Variants in CDKL4 observed in about 807,000 individuals in gnomAD.
The protein encoded by CDKL4 is cyclin-dependent kinase-like 4.
Under a neutral mutation model 42.0 loss-of-function variants are expected in CDKL4, and 44 were observed. That is an observed-to-expected ratio of 1.05 (90% CI 0.82 to 1.35). CDKL4 has a LOEUF of 1.35. Ranked by LOEUF, CDKL4 falls within the 40% of genes most tolerant of loss-of-function variation. The pLI, the probability that CDKL4 is intolerant of heterozygous loss-of-function variation, is 0.00. For missense variants in CDKL4, 393 were observed against 369.9 expected (o/e 1.06, Z -0.51); for synonymous variants, 120 against 121.6 (o/e 0.99, Z 0.09).
chr2:39,212,178 C>T (rs1007564044), intron 4 of CDKL4, among the ~76,000 whole-genome samples: 1 of 152,014 alleles, frequency 6.6e-6, no homozygotes, highest in Non-Finnish European at 1.5e-5. Context: ...ACAAGCCCTC[C>T]TTGTGATTTT....
At chr2:39,244,239 G>C (rs990898600), upstream of CDKL4, among the ~76,000 whole-genome samples, 2 of 152,248 alleles carry the variant, frequency 1.3e-5, no homozygotes, top group African/African-American at 4.8e-5. Flanking sequence ...GGCCAAGGCC[G>C]GAGCCCACTC....
At chr2:39,194,409 G>A (rs757622153) in intron 5 of CDKL4, among the ~76,000 whole-genome samples, 1 of 152,216 alleles carries the variant, frequency 6.6e-6, no homozygotes, top group Non-Finnish European at 1.5e-5. Context: ...TGGAAGTGGA[G>A]GTTGCAATGG....
At chr2:39,175,058 G>C (rs183600977), downstream of CDKL4, among the ~76,000 whole-genome samples, 14 of 151,980 alleles carry the variant, frequency 9.2e-5, no homozygotes, top group Non-Finnish European at 1.9e-4. Flanking sequence ...TTTTGTAAGA[G>C]ATATGAAATA....
At chr2:39,241,228 A>G (rs973821505) in intron 1 of CDKL4, among the ~76,000 whole-genome samples, 4 of 152,226 alleles carry the variant, frequency 2.6e-5, no homozygotes, top group Admixed American at 2.0e-4. Context: ...TCTGCAACTT[A>G]CTCTCAAATG....
chr2:39,210,127 A>G (rs957041516), intron 4 of CDKL4, among the ~76,000 whole-genome samples: 2 of 152,020 alleles, frequency 1.3e-5, no homozygotes, highest in Admixed American at 1.3e-4. Flanking sequence ...AGTAGCTGGG[A>G]TTACAGGCAT....
At chr2:39,178,603 C>T (rs1675265381) in intron 9 of CDKL4, 4 of 1,558,046 alleles carry the variant, frequency 2.6e-6, no homozygotes, top group Non-Finnish European at 3.5e-6. Flanking sequence ...ACCTGATAAA[C>T]TGCAGAATTA....
chr2:39,212,414 T>C (rs1433375902), intron 4 of CDKL4, among the ~76,000 whole-genome samples: 6 of 151,466 alleles, frequency 4.0e-5, no homozygotes, highest in East Asian at 1.9e-4. Context: ...TTTGTATTTT[T>C]AGTAGAGACA....
At chr2:39,193,367 TTATTA>T (rs1676311773) in intron 5 of CDKL4, among the ~76,000 whole-genome samples, 1 of 150,208 alleles carries the variant, frequency 6.7e-6, no homozygotes, top group South Asian at 2.1e-4. Flanking sequence ...ATTATTATTA[TTATTA>T]TTATTATTAT....
chr2:39,168,409 T>G, the CDKL4 span, among the ~76,000 whole-genome samples: 1 of 152,166 alleles, frequency 6.6e-6, no homozygotes, highest in African/African-American at 2.4e-5. Context: ...TTACCAATTC[T>G]CAGCTTAAGC....
At chr2:39,201,117 G>C (rs1676815010) in intron 5 of CDKL4, among the ~76,000 whole-genome samples, 1 of 151,534 alleles carries the variant, frequency 6.6e-6, no homozygotes. Context: ...AAATCAGCAA[G>C]AAAAAACAAA....
chr2:39,187,231 G>A (rs555484633), intron 7 of CDKL4, among the ~76,000 whole-genome samples: 2 of 152,186 alleles, frequency 1.3e-5, no homozygotes, highest in African/African-American at 2.4e-5. Flanking sequence ...TAAGTTTCCT[G>A]AGGCCTCCCC....
intron 6 of CDKL4, among the ~76,000 whole-genome samples, chr2:39,188,352 A>T (rs1675954433): frequency 6.6e-6 from 1 of 151,814 alleles, no homozygotes; most frequent in Non-Finnish European, 1.5e-5. Flanking sequence ...CACGAAGTCA[A>T]GAAATCGAGA....
intron 1 of CDKL4, among the ~76,000 whole-genome samples, chr2:39,233,570 G>A (rs565277975): frequency 6.6e-6 from 1 of 152,254 alleles, no homozygotes; most frequent in South Asian, 2.1e-4. Context: ...TTACTACAGT[G>A]ACAGAAAACA....
At position 39,190,199 on chromosome 2, in the gene CDKL4, C is replaced by A. The variant is rs1010289186; in HGVS notation, c.652+106G>T. The A allele has an allele frequency of 5.3e-6, 4 of 755,932 alleles. No individual in the cohort carries two copies. The Admixed American group carries it at 1.3e-4, about 25-fold the overall frequency. 46.8% of individuals were successfully genotyped at this position (755,932 alleles called of 1,614,324 possible). ...CATCCTGAGTGACACTTTGAAGAAGCAATAAAACTCTTGTTTTTTATTTTT... is the reference window on the plus strand; with the variant it reads ...CATCCTGAGTGACACTTTGAAGAAGAAATAAAACTCTTGTTTTTTATTTTT... On this transcript the variant is annotated intron_variant, in intron 6 of 9. Coordinates refer to ENST00000451199, the Ensembl canonical transcript of CDKL4.
At chr2:39,201,237 G>A (rs1035867055) in intron 5 of CDKL4, among the ~76,000 whole-genome samples, 1 of 150,338 alleles carries the variant, frequency 6.7e-6, no homozygotes, top group Non-Finnish European at 1.5e-5. Flanking sequence ...AATTATCAGG[G>A]AAACGCAAAT....
chr2:39,184,537 G>C (rs1450854758), intron 8 of CDKL4, 54 bp downstream of exon 8: 1 of 1,296,946 alleles, frequency 7.7e-7, no homozygotes. Context: ...CAAATTACCA[G>C]CTTCAGTCAT....
At chr2:39,174,840 A>C (rs1379059347), downstream of CDKL4, among the ~76,000 whole-genome samples, 1 of 152,202 alleles carries the variant, frequency 6.6e-6, no homozygotes, top group African/African-American at 2.4e-5. Context: ...CCCAGGATAA[A>C]AGGCACCTAA....
chr2:39,187,919 T>C (rs1402530265), intron 6 of CDKL4, among the ~76,000 whole-genome samples: 2 of 150,658 alleles, frequency 1.3e-5, no homozygotes, highest in African/African-American at 4.9e-5. Flanking sequence ...AATACAAAAA[T>C]TAGCCAAGCG....
intron 4 of CDKL4, 56 bp from the exon 5 acceptor site, chr2:39,204,673 C>A (rs1036399381): frequency 3.3e-6 from 3 of 919,800 alleles, no homozygotes; most frequent in African/African-American, 1.7e-5. Flanking sequence ...AAAGAATAAA[C>A]ATTAACTACT....
Sources: gnomAD v4.1 joint callset for allele counts (sites outside exome capture counted in the v4.1 genomes callset) on GRCh38, gnomAD v4.1.1 for gene constraint, MANE v1.5 for transcripts, NCBI Gene and HGNC (gene_info 2026-07-23, HGNC 2026-07-21) for gene names.